Variants in GALNTL6 observed in about 807,000 individuals in gnomAD.
GALNTL6 encodes the protein polypeptide N-acetylgalactosaminyltransferase like 6.
A neutral mutation model predicts 73.7 loss-of-function variants in GALNTL6; 46 were observed. The observed-to-expected ratio is 0.62, with a 90% CI of 0.49 to 0.80. GALNTL6 has a LOEUF of 0.80. Ranked by LOEUF, GALNTL6 falls within the 30% of genes least tolerant of loss-of-function variation. The pLI, the probability that GALNTL6 is intolerant of heterozygous loss-of-function variation, is 0.00. For missense variants in GALNTL6, 604 were observed against 755.0 expected, an observed-to-expected ratio of 0.80 and a Z score of 2.34; for synonymous variants, 259 against 263.7, an observed-to-expected ratio of 0.98 and a Z score of 0.17.
At chr4:172,543,835 G>A (rs1735660592) in intron 5 of GALNTL6, among the ~76,000 whole-genome samples, 1 of 152,204 alleles carries the variant, frequency 6.6e-6, no homozygotes, top group Non-Finnish European at 1.5e-5. Flanking sequence ...AGATGTTGAA[G>A]ATGAAGATAA....
At chr4:173,001,005 T>C (rs1351488446) in intron 10 of GALNTL6, among the ~76,000 whole-genome samples, 2 of 152,154 alleles carry the variant, frequency 1.3e-5, no homozygotes, top group African/African-American at 4.8e-5. Flanking sequence ...CCCAATCCAA[T>C]ATGATTGGTG....
chr4:172,271,787 A>G (rs1738663883), intron 3 of GALNTL6, among the ~76,000 whole-genome samples: 1 of 152,054 alleles, frequency 6.6e-6, no homozygotes, highest in Admixed American at 6.6e-5. Context: ...GAGATAACAA[A>G]CAGATATGCA....
chr4:172,773,173 G>A (rs149464980), intron 5 of GALNTL6, among the ~76,000 whole-genome samples: 37 of 152,276 alleles, frequency 2.4e-4, no homozygotes, highest in African/African-American at 8.4e-4. Context: ...ATCGTTTCAC[G>A]TATCCTGACT....
intron 5 of GALNTL6, among the ~76,000 whole-genome samples, chr4:172,563,595 GA>G (rs376918081): frequency 2.3e-4 from 35 of 152,320 alleles, no homozygotes; most frequent in African/African-American, 8.2e-4. Context: ...TGATACACCA[GA>G]AAGCTAGCAC....
At chr4:172,960,816 G>T (rs1035290230) in intron 10 of GALNTL6, among the ~76,000 whole-genome samples, 4 of 152,182 alleles carry the variant, frequency 2.6e-5, no homozygotes, top group African/African-American at 9.7e-5. Context: ...GGTCAGGTAT[G>T]AGTTGAAGAG....
At chr4:172,567,026 TA>T (rs199588709) in intron 5 of GALNTL6, among the ~76,000 whole-genome samples, 5,488 of 141,358 alleles carry the variant, frequency 0.039, 128 homozygotes, top group African/African-American at 0.075. Flanking sequence ...GAAGCTCCTT[TA>T]AAAAAAAAAA....
intron 2 of GALNTL6, among the ~76,000 whole-genome samples, chr4:172,163,647 T>A (rs963803262): frequency 2.6e-5 from 4 of 152,034 alleles, no homozygotes; most frequent in East Asian, 1.9e-4. Flanking sequence ...TATGTACAGA[T>A]CATAGAAAGG....
chr4:172,301,604 C>T (rs1739926759), intron 3 of GALNTL6, among the ~76,000 whole-genome samples: 1 of 152,182 alleles, frequency 6.6e-6, no homozygotes, highest in Non-Finnish European at 1.5e-5. Flanking sequence ...CCCTCAGCTG[C>T]AGGTCTGTTG....
At chr4:172,397,610 G>T (rs536036401) in intron 5 of GALNTL6, among the ~76,000 whole-genome samples, 1 of 148,998 alleles carries the variant, frequency 6.7e-6, no homozygotes, top group East Asian at 2.0e-4. Context: ...ATGGAGTCTC[G>T]CTCTGTCGCC....
At chr4:172,407,209 A>G (rs1371670770) in intron 5 of GALNTL6, among the ~76,000 whole-genome samples, 1 of 152,046 alleles carries the variant, frequency 6.6e-6, no homozygotes, top group Admixed American at 6.6e-5. Flanking sequence ...CATGTTTATG[A>G]TTGCTTATCA....
At chr4:172,379,252 C>T (rs58232810) in intron 5 of GALNTL6, among the ~76,000 whole-genome samples, 4,817 of 152,190 alleles carry the variant, frequency 0.032, 247 homozygotes, top group African/African-American at 0.11. Flanking sequence ...CAGGTTAGGC[C>T]GGGCGCGGTG....
chr4:172,924,057 A>G (rs1167455870), intron 8 of GALNTL6, among the ~76,000 whole-genome samples: 1 of 152,142 alleles, frequency 6.6e-6, no homozygotes, highest in Non-Finnish European at 1.5e-5. Context: ...TTAAGGCAGA[A>G]GCGGGAAAAC....
intron 2 of GALNTL6, among the ~76,000 whole-genome samples, chr4:172,157,542 T>G (rs962501637): frequency 2.0e-5 from 3 of 152,314 alleles, no homozygotes; most frequent in South Asian, 4.1e-4. Context: ...GTAATTTATT[T>G]ATGAATACAA....
intron 2 of GALNTL6, among the ~76,000 whole-genome samples, chr4:171,854,892 C>A (rs556241049): frequency 2.0e-5 from 3 of 152,264 alleles, no homozygotes; most frequent in South Asian, 2.1e-4. Context: ...GCAGACATAC[C>A]CTTTCCATCC....
intron 11 of GALNTL6, among the ~76,000 whole-genome samples, chr4:173,020,105 T>A (rs1752935714): frequency 6.6e-6 from 1 of 152,236 alleles, no homozygotes; most frequent in African/African-American, 2.4e-5. Flanking sequence ...CCTGGGATTT[T>A]AGAATTGGGA....
At chr4:172,976,752 T>C (rs942706827) in intron 10 of GALNTL6, among the ~76,000 whole-genome samples, 2 of 152,184 alleles carry the variant, frequency 1.3e-5, no homozygotes, top group African/African-American at 4.8e-5. Context: ...GACAGCAGCC[T>C]AAAGAAAAGG....
chr4:172,768,956 T>G (rs1738599349), intron 5 of GALNTL6, among the ~76,000 whole-genome samples: 1 of 152,018 alleles, frequency 6.6e-6, no homozygotes, highest in Non-Finnish European at 1.5e-5. Context: ...ATACTTCTGC[T>G]TGGAGGAAAC....
intron 5 of GALNTL6, among the ~76,000 whole-genome samples, chr4:172,551,619 A>G (rs539502415): frequency 6.6e-6 from 1 of 152,318 alleles, no homozygotes; most frequent in South Asian, 2.1e-4. Flanking sequence ...TTCCATCTTT[A>G]TCAATGTTTG....
intron 3 of GALNTL6, among the ~76,000 whole-genome samples, chr4:172,270,025 C>A (rs1164881583): frequency 1.3e-5 from 2 of 152,108 alleles, no homozygotes; most frequent in South Asian, 4.1e-4. Flanking sequence ...TATGAGCCAC[C>A]ATGCCTAGCC....
Sources: gnomAD v4.1 joint callset for allele counts (sites outside exome capture counted in the v4.1 genomes callset) on GRCh38, gnomAD v4.1.1 for gene constraint, MANE v1.5 for transcripts, NCBI Gene and HGNC (gene_info 2026-07-23, HGNC 2026-07-21) for gene names.